The following ACOXL variants were observed in gnomAD, a reference collection of about 807,000 sequenced individuals.
The protein encoded by ACOXL is acyl-coenzyme A oxidase-like protein.
Under a neutral mutation model 71.9 loss-of-function variants are expected in ACOXL, and 70 were observed. That is an observed-to-expected ratio of 0.97 (90% confidence interval 0.80 to 1.19). The LOEUF (loss-of-function observed/expected upper bound fraction) is 1.19. Ranked by LOEUF, ACOXL falls within the 50% of genes most tolerant of loss-of-function variation. ACOXL has a pLI of 0.00. For missense variants in ACOXL, 703 were observed against 736.3 expected (o/e 0.95, Z 0.52); for synonymous variants, 253 against 281.6 (o/e 0.90, Z 1.02).
At chr2:110,850,357 T>C (rs1402101263) in intron 10 of ACOXL, among the ~76,000 whole-genome samples, 1 of 152,128 alleles carries the variant, frequency 6.6e-6, no homozygotes, top group Non-Finnish European at 1.5e-5. Context: ...GTAAAACACA[T>C]ATCTGATAAA....
chr2:110,805,484 G>A, intron 9 of ACOXL, 89 bp downstream of exon 9: 2 of 1,564,958 alleles, frequency 1.3e-6, no homozygotes, highest in Non-Finnish European at 1.7e-6. Context: ...TGAGCTTCTG[G>A]AGCCACAGTT....
intron 10 of ACOXL, among the ~76,000 whole-genome samples, chr2:110,903,740 C>T (rs2059335998): frequency 1.3e-5 from 2 of 152,252 alleles, no homozygotes; most frequent in South Asian, 4.1e-4. Flanking sequence ...GGGATTACAG[C>T]CCTGTGAGCT....
At chr2:110,993,242 CATATT>C (rs1442804557) in intron 13 of ACOXL, among the ~76,000 whole-genome samples, 1 of 152,218 alleles carries the variant, frequency 6.6e-6, no homozygotes, top group Non-Finnish European at 1.5e-5. Flanking sequence ...TAACCAAACT[CATATT>C]AAGATACAGA....
intron 16 of ACOXL, among the ~76,000 whole-genome samples, chr2:111,066,632 C>G (rs1475129229): frequency 6.6e-6 from 1 of 151,994 alleles, no homozygotes; most frequent in Admixed American, 6.6e-5. Flanking sequence ...CATTTAATTA[C>G]ATAAAAAAGC....
chr2:110,791,491 C>A (rs896408341), intron 3 of ACOXL, among the ~76,000 whole-genome samples: 21 of 152,124 alleles, frequency 1.4e-4, no homozygotes, highest in African/African-American at 5.1e-4. Flanking sequence ...ACTTAACTCC[C>A]AAGATGGTTT....
chr2:110,831,237 G>A (rs891144973), intron 9 of ACOXL, among the ~76,000 whole-genome samples: 2 of 152,050 alleles, frequency 1.3e-5, no homozygotes, highest in Non-Finnish European at 2.9e-5. Flanking sequence ...TAGAAAGCCC[G>A]AGGAACCTAC....
intron 1 of ACOXL, among the ~76,000 whole-genome samples, chr2:110,743,542 C>T (rs1677800582): frequency 6.6e-6 from 1 of 152,052 alleles, no homozygotes; most frequent in Non-Finnish European, 1.5e-5. Flanking sequence ...AAAAACAAAC[C>T]CAAGTTCAGA....
intron 9 of ACOXL, among the ~76,000 whole-genome samples, chr2:110,834,582 TC>T (rs1354860793): frequency 1.3e-5 from 2 of 152,180 alleles, no homozygotes; most frequent in African/African-American, 2.4e-5. Flanking sequence ...CCTGCCATAG[TC>T]CCAGTTCACT....
intron 1 of ACOXL, among the ~76,000 whole-genome samples, chr2:110,743,114 G>A (rs945057553): frequency 3.9e-5 from 6 of 152,266 alleles, no homozygotes; most frequent in Non-Finnish European, 7.4e-5. Flanking sequence ...TGTCTCCATG[G>A]AGTTGTGTAT....
At chr2:111,102,647 A>G (rs1188324186) in intron 17 of ACOXL, among the ~76,000 whole-genome samples, 1 of 123,690 alleles carries the variant, frequency 8.1e-6, no homozygotes, top group Non-Finnish European at 1.6e-5. Context: ...CATGTTGCAC[A>G]AAAAAAAAAG....
At position 110,793,744 on chromosome 2, in the gene ACOXL, A is replaced by G; in HGVS notation, c.246+8A>G. On this transcript the variant is annotated splice_region_variant and intron_variant, in intron 4 of 17. Coordinates refer to ENST00000439055, the MANE Select transcript of ACOXL (RefSeq NM_001142807.4). Reference sequence around the variant, plus strand: ...TGGTTTCAGCCACTCCAGGTATGGTATTTTCCTCAACATTGGTCTTCTATG... The same window carrying G: ...TGGTTTCAGCCACTCCAGGTATGGTGTTTTCCTCAACATTGGTCTTCTATG... 6.2e-7 allele frequency: 1 copy of G among 1,610,326 alleles called. No individual in the cohort carries two copies. The highest frequency in any genetic ancestry group is 8.5e-7 in the Non-Finnish European group (1 of 1,176,596).
At position 110,987,189 on chromosome 2, in the gene ACOXL, GA is replaced by G. The variant is rs772583929; in HGVS notation, c.1143del (p.Glu381AspfsTer7). The G allele has an allele frequency of 7.0e-6, 11 of 1,576,908 alleles. No individual in the cohort carries two copies. Among genetic ancestry groups the G allele is most frequent in the Middle Eastern group, 1.7e-4 (1 of 6,026 alleles). ...PLFGLLQNWA[E>X]SVGDKLRTSF... ...CTTTGGCCTGCTCCAAAACTGGGCT[GA>G]ATCTGTGGGGGACAAGCTGAGAACC... On this transcript the variant is annotated frameshift_variant, in exon 13 of 18. Coordinates refer to ENST00000439055, the MANE Select transcript of ACOXL (RefSeq NM_001142807.4). LOFTEE classifies it high-confidence loss of function.
chr2:110,893,504 G>A lies in ACOXL; in HGVS notation c.789-15285G>A, dbSNP rs540156093. On this transcript the variant is annotated intron_variant, in intron 10 of 17. Coordinates refer to ENST00000439055, the MANE Select transcript of ACOXL (RefSeq NM_001142807.4). ...TAGGCAAGTTATACACTGGGAGAAG[G>A]AATAAAAATTGATATAATCTTTCTG... is the stretch of plus-strand genomic sequence containing the variant. Among the ~76,000 whole-genome samples the A allele has an allele frequency of 2.0e-5, 3 of 152,244 alleles. No homozygotes were observed. The South Asian group carries it at 6.2e-4, about 32-fold the overall frequency.
At chr2:110,883,837 TC>T (rs1319218706) in intron 10 of ACOXL, among the ~76,000 whole-genome samples, 1 of 152,204 alleles carries the variant, frequency 6.6e-6, no homozygotes, top group Non-Finnish European at 1.5e-5. Flanking sequence ...AAAGACATAC[TC>T]CATCCTTTGT....
At chr2:110,856,164 A>G (rs527336364) in intron 10 of ACOXL, among the ~76,000 whole-genome samples, 1 of 152,252 alleles carries the variant, frequency 6.6e-6, no homozygotes, top group East Asian at 1.9e-4. Flanking sequence ...ACAGAATGCT[A>G]ATTGGTGCAT....
chr2:110,795,105 G>A (rs1185588230), intron 5 of ACOXL, among the ~76,000 whole-genome samples: 2 of 152,210 alleles, frequency 1.3e-5, no homozygotes, highest in African/African-American at 2.4e-5. Flanking sequence ...GTGCAAGCAC[G>A]TGCCCGAGCG....
intron 1 of ACOXL, among the ~76,000 whole-genome samples, chr2:110,761,584 C>G (rs1363210644): frequency 4.6e-5 from 7 of 152,228 alleles, no homozygotes; most frequent in African/African-American, 1.4e-4. Flanking sequence ...GTTGCAAGCT[C>G]CCAGGTGGCC....
intron 11 of ACOXL, among the ~76,000 whole-genome samples, chr2:110,919,566 AT>A (rs201066125): frequency 7.9e-4 from 119 of 150,478 alleles, no homozygotes; most frequent in East Asian, 1.8e-3. Flanking sequence ...TAGTAAAAAA[AT>A]AAAAATCACA....
chr2:110,964,566 A>G (rs1329926356), intron 12 of ACOXL, among the ~76,000 whole-genome samples: 1 of 152,182 alleles, frequency 6.6e-6, no homozygotes, highest in East Asian at 1.9e-4. Flanking sequence ...ACAAACCAAG[A>G]TGGCACAGCC....
Sources: gnomAD v4.1 joint callset for allele counts (sites outside exome capture counted in the v4.1 genomes callset) on GRCh38, gnomAD v4.1.1 for gene constraint, MANE v1.5 for transcripts, NCBI Gene and HGNC (gene_info 2026-07-23, HGNC 2026-07-21) for gene names.